The following GFY variants were observed in gnomAD, a reference collection of about 807,000 sequenced individuals.
GFY encodes Golgi-associated olfactory signaling regulator.
GFY carries 28 observed loss-of-function variants against 29.1 expected under a neutral mutation model. The ratio of observed to expected loss-of-function variants is 0.96; its 90% CI spans 0.71 to 1.32. The LOEUF is 1.32. Among genes scored for constraint, GFY ranks in the 40% most tolerant of loss-of-function variants. GFY has a pLI of 0.00. For missense variants in GFY, 656 were observed against 661.9 expected (o/e 0.99, Z 0.10); for synonymous variants, 277 against 274.5 (o/e 1.01, Z -0.09).
intron 1 of GFY, among the ~76,000 whole-genome samples, chr19:49,425,925 C>T (rs1448826595): frequency 6.6e-6 from 1 of 152,184 alleles, no homozygotes; most frequent in African/African-American, 2.4e-5. Flanking sequence ...CCCCAGCAAC[C>T]TTCTTAACCC....
Position 49,428,083 on chromosome 19 carries a change from G to T in GFY, c.1321G>T (p.Ala441Ser). 3 of 1,534,428 alleles carry T rather than the reference G, an allele frequency of 2.0e-6. No individual in the cohort carries two copies. The highest frequency in any genetic ancestry group is 2.4e-5 in the East Asian group (1 of 40,860). ...YRRAARQRPFAHHRLPDDGDE... is the reference protein window; with the variant it reads ...YRRAARQRPFSHHRLPDDGDE... ...CCGGGCAGCTAGACAGCGGCCCTTC[G>T]CACATCACCGGCTTCCGGACGACGG... Residue 441 changes from alanine to serine, a missense_variant, in exon 3 of 4, where the codon GCA becomes TCA. By Grantham distance (99) the Ala-to-Ser change is moderately conservative. Coordinates refer to ENST00000610896, the MANE Select transcript of GFY (RefSeq NM_001195256.2).
chr19:49,428,097 T>C lies in GFY; in HGVS notation c.1335T>C (p.Leu445=). 6.5e-7 allele frequency: 1 copy of C among 1,533,406 alleles called. No homozygotes were observed. Among genetic ancestry groups the C allele is most frequent in the Non-Finnish European group, 8.7e-7 (1 of 1,144,612 alleles). The allele number at this position is 1,533,406 out of a possible 1,614,324, so 95.0% of individuals were successfully genotyped here. Residue 445 remains leucine, a synonymous_variant, in exon 3 of 4, where the codon CTT becomes CTC. Coordinates refer to ENST00000610896, the MANE Select transcript of GFY (RefSeq NM_001195256.2). ...AGCGGCCCTTCGCACATCACCGGCT[T>C]CCGGACGACGGAGATGAACCGGGTG... The part of the protein sequence containing the change: ...ARQRPFAHHR[L]PDDGDEPVLH...
In GFY at chr19:49,428,678, T is replaced by A. The variant is rs1052298580; in HGVS notation, c.1417T>A (p.Trp473Arg). ...YDLYFYAPDT[W>R]VPSHIATKQP... ...CCTCTACTTTTATGCTCCGGATACC[T>A]GGGTCCCTTCCCACATCGCCACCAA... The change falls in exon 4 of 4, where the codon TGG becomes AGG. Residue 473 changes from tryptophan (W) to arginine (R), a missense_variant. Trp to Arg is a moderately radical substitution (Grantham distance 101). Transcript: ENST00000610896. 6.5e-6 allele frequency: 10 copies of A among 1,531,432 alleles called. No individual in the cohort carries two copies. The highest frequency in any genetic ancestry group is 8.7e-6 in the Non-Finnish European group (10 of 1,144,560). 94.9% of individuals were successfully genotyped at this position (1,531,432 alleles called of 1,614,324 possible). A position where few individuals can be genotyped will look rare whatever the true frequency, so the allele number is the denominator to read the frequency against.
In GFY at chr19:49,428,614, C is replaced by T. The variant is rs189214909; in HGVS notation, c.1358-5C>T. On this transcript the variant is annotated splice_region_variant and splice_polypyrimidine_tract_variant and intron_variant, in intron 3 of 3. Coordinates refer to ENST00000610896, the MANE Select transcript of GFY (RefSeq NM_001195256.2). ...AGAGATGACCACGCCCCTTTGCACCCACAGTTCTGCATTTGGACGCCCCGA... is the reference window on the plus strand; with the variant it reads ...AGAGATGACCACGCCCCTTTGCACCTACAGTTCTGCATTTGGACGCCCCGA... 3.5e-5 allele frequency: 52 copies of T among 1,471,116 alleles called. No homozygotes were observed. The highest frequency in any genetic ancestry group is 2.3e-4 in the Admixed American group (10 of 43,746). The allele number at this position is 1,471,116 out of a possible 1,614,324, so 91.1% of individuals were successfully genotyped here.
chr19:49,426,762 C>A lies in GFY; in HGVS notation c.332C>A (p.Thr111Lys). The A allele has an allele frequency of 6.5e-7, 1 of 1,534,852 alleles. No homozygotes were observed. The highest frequency in any genetic ancestry group is 8.7e-7 in the Non-Finnish European group (1 of 1,146,598). ...SPETPKADSL[T>K]TSISESLDMP... is the part of the protein sequence containing the mutation. ...GAGACCCCCAAAGCTGACTCACTCA[C>A]AACCTCAATATCAGAATCCCTGGAC... Residue 111 changes from threonine (T) to lysine (K), a missense_variant, in exon 2 of 4, where the codon ACA (threonine) becomes AAA (lysine). Coordinates refer to ENST00000610896, the MANE Select transcript of GFY (RefSeq NM_001195256.2).
intron 2 of GFY, 72 bp from the exon 3 acceptor site, chr19:49,427,874 G>C (rs887556328): frequency 2.3e-5 from 34 of 1,472,954 alleles, no homozygotes; most frequent in Non-Finnish European, 3.0e-5. Context: ...GGGAGGAGGG[G>C]CTAGGAGCTT....
In GFY at chr19:49,427,522, G is replaced by C. The variant is rs1300474716; in HGVS notation, c.1092G>C (p.Gln364His). The C allele has an allele frequency of 6.6e-7, 1 of 1,526,028 alleles. No individual in the cohort carries two copies. The highest frequency in any genetic ancestry group is 2.0e-5 in the Admixed American group (1 of 50,030). 94.5% of individuals were successfully genotyped at this position (1,526,028 alleles called of 1,614,324 possible). The change falls in exon 2 of 4, where the codon CAG becomes CAC. Residue 364 changes from glutamine to histidine, a missense_variant. Physicochemically the swap from Gln to His is conservative, Grantham distance 24. Coordinates refer to ENST00000610896, the MANE Select transcript of GFY (RefSeq NM_001195256.2). ...CTGCTCTTCCAGGGCGCCCCAGTCAGTTGGCCCCTGCCACTCTGCGGGCAC... is the reference window on the plus strand; with the variant it reads ...CTGCTCTTCCAGGGCGCCCCAGTCACTTGGCCCCTGCCACTCTGCGGGCAC... Reference protein sequence around the residue: ...GPPALPGRPSQLAPATLRAPQ... With the variant: ...GPPALPGRPSHLAPATLRAPQ...
Position 49,426,759 on chromosome 19 carries a change from T to C in GFY, c.329T>C (p.Leu110Pro), listed in dbSNP as rs1202975266. Residue 110 changes from leucine (L) to proline (P), a missense_variant, in exon 2 of 4, where the codon CTC becomes CCC. Transcript: ENST00000610896. ...CCTGAGACCCCCAAAGCTGACTCAC[T>C]CACAACCTCAATATCAGAATCCCTG... ...ESPETPKADS[L>P]TTSISESLDM... The C allele has an allele frequency of 2.6e-6, 4 of 1,526,152 alleles. No homozygotes were observed. The highest frequency in any genetic ancestry group is 3.5e-6 in the Non-Finnish European group (4 of 1,144,798). The allele number at this position is 1,526,152 out of a possible 1,614,324, so 94.5% of individuals were successfully genotyped here. A position where few individuals can be genotyped will look rare whatever the true frequency, so the allele number is the denominator to read the frequency against.
At position 49,426,912 on chromosome 19, in the gene GFY, C is replaced by T. The variant is rs951275610; in HGVS notation, c.482C>T (p.Ser161Leu). 2 of 1,535,826 alleles carry T rather than the reference C, an allele frequency of 1.3e-6. No homozygotes were observed. Among genetic ancestry groups the T allele is most frequent in the Non-Finnish European group, 1.7e-6 (2 of 1,146,868 alleles). The part of the protein sequence containing the change: ...ETPKPNFSKT[S>L]RPEFPETPNT... ...CCCAAACCTAACTTCTCCAAAACTT[C>T]ACGCCCAGAATTTCCTGAGACCCCA... The change falls in exon 2 of 4, where the codon TCA (serine) becomes TTA (leucine). Residue 161 changes from serine to leucine, a missense_variant. Physicochemically the swap from Ser to Leu is moderately radical, Grantham distance 145 (BLOSUM62 -2). Coordinates refer to ENST00000610896, the MANE Select transcript of GFY (RefSeq NM_001195256.2).
rs1214341804 is a variant in GFY at position 49,428,650 on chromosome 19, C to T, written c.1389C>T (p.Tyr463=). The T allele has an allele frequency of 6.6e-7, 1 of 1,521,364 alleles. No homozygotes were observed. The highest frequency in any genetic ancestry group is 8.8e-7 in the Non-Finnish European group (1 of 1,138,756). The allele number at this position is 1,521,364 out of a possible 1,614,324, so 94.2% of individuals were successfully genotyped here. The part of the protein sequence containing the change: ...VLHLDAPKDP[Y]DLYFYAPDTW... Reference sequence around the variant, plus strand: ...ATTTGGACGCCCCGAAAGACCCCTACGACCTCTACTTTTATGCTCCGGATA... The same window carrying T: ...ATTTGGACGCCCCGAAAGACCCCTATGACCTCTACTTTTATGCTCCGGATA... The change falls in exon 4 of 4, where the codon TAC becomes TAT. Residue 463 remains tyrosine (Y), a synonymous_variant. Coordinates refer to ENST00000610896, the MANE Select transcript of GFY (RefSeq NM_001195256.2).
In GFY at chr19:49,426,605, C is replaced by G. The variant is rs1374264766; in HGVS notation, c.175C>G (p.Pro59Ala). The G allele has an allele frequency of 1.3e-6, 2 of 1,535,988 alleles. No individual in the cohort carries two copies. The highest frequency in any genetic ancestry group is 1.4e-5 in the African/African-American group (1 of 72,950). The stretch of plus-strand genomic sequence containing the variant: ...AAATTCCAAACGAGATCGCCTTAAC[C>G]CAGAATTTCCTGGGACTCCTTACCC... ...SENSKRDRLN[P>A]EFPGTPYPEP... Residue 59 changes from proline (P) to alanine (A), a missense_variant, in exon 2 of 4, where the codon CCA becomes GCA. By Grantham distance (27) the Pro-to-Ala change is conservative (BLOSUM62 -1). Transcript: ENST00000610896.
At chr19:49,428,394 T>C (rs12980585) in intron 3 of GFY, among the ~76,000 whole-genome samples, 1 of 151,044 alleles carries the variant, frequency 6.6e-6, no homozygotes, top group African/African-American at 2.4e-5. Context: ...AGCCCTGTAC[T>C]TCCCGCCCTC....
In GFY at chr19:49,427,512, G is replaced by A. The variant is rs1047490380; in HGVS notation, c.1082G>A (p.Arg361His). 12 of 1,528,774 alleles carry A rather than the reference G, an allele frequency of 7.8e-6. No homozygotes were observed. The African/African-American group carries it at 1.4e-4, about 18-fold the overall frequency. 94.7% of individuals were successfully genotyped at this position (1,528,774 alleles called of 1,614,324 possible). The change falls in exon 2 of 4, where the codon CGC becomes CAC. Residue 361 changes from arginine to histidine, a missense_variant. Physicochemically the swap from Arg to His is conservative, Grantham distance 29 (BLOSUM62 0). Transcript: ENST00000610896. ...RIAGPPALPG[R>H]PSQLAPATLR... is the part of the protein sequence containing the mutation. Reference sequence around the variant, plus strand: ...GCAGGTCCCCCTGCTCTTCCAGGGCGCCCCAGTCAGTTGGCCCCTGCCACT... The same window carrying A: ...GCAGGTCCCCCTGCTCTTCCAGGGCACCCCAGTCAGTTGGCCCCTGCCACT...
rs1461304746 is a variant in GFY at position 49,428,009 on chromosome 19, G to A, written c.1247G>A (p.Gly416Glu). 6.5e-6 allele frequency: 10 copies of A among 1,535,962 alleles called. No individual in the cohort carries two copies. Among genetic ancestry groups the A allele is most frequent in the Non-Finnish European group, 7.0e-6 (8 of 1,146,730 alleles). The change falls in exon 3 of 4, where the codon GGG becomes GAG. Residue 416 changes from glycine (G) to glutamate (E), a missense_variant. Physicochemically the swap from Gly to Glu is moderately conservative, Grantham distance 98 (BLOSUM62 -2). Transcript: ENST00000610896. ...GGGGCCCTCTGCCTGTTCTTCGCGGGGACCGCGCTGCTGATCGGCATCTTT... is the reference window on the plus strand; with the variant it reads ...GGGGCCCTCTGCCTGTTCTTCGCGGAGACCGCGCTGCTGATCGGCATCTTT... ...AGGALCLFFA[G>E]TALLIGIFVL...
At position 49,427,053 on chromosome 19, in the gene GFY, C is replaced by T. The variant is rs1387118353; in HGVS notation, c.623C>T (p.Thr208Ile). ...PETSNTNPTK[T>I]PDPKSPEKHD... ...ACCTCAAACACTAACCCTACCAAGA[C>T]CCCTGACCCCAAATCCCCAGAAAAG... Residue 208 changes from threonine (T) to isoleucine (I), a missense_variant, in exon 2 of 4, where the codon ACC becomes ATC. Physicochemically the swap from Thr to Ile is moderately conservative, Grantham distance 89 (BLOSUM62 -1). Transcript: ENST00000610896. 1 of 1,535,614 alleles carries T rather than the reference C, an allele frequency of 6.5e-7. No homozygotes were observed. Among genetic ancestry groups the T allele is most frequent in the East Asian group, 2.4e-5 (1 of 40,908 alleles).
chr19:49,427,202 C>CA lies in GFY; in HGVS notation c.775dup (p.Thr259AsnfsTer25). On this transcript the variant is annotated frameshift_variant, in exon 2 of 4. Transcript: ENST00000610896. LOFTEE classifies it high-confidence loss of function. ...CAATCCCAGCCCCACCGAAATTTCC[C>CA]AAACAGAATTCCCCACAACCTACTA... 1 of 1,536,004 alleles carries CA rather than the reference C, an allele frequency of 6.5e-7. No homozygotes were observed. The highest frequency in any genetic ancestry group is 1.2e-5 in the South Asian group (1 of 84,040).
chr19:49,426,892 A>G lies in GFY; in HGVS notation c.462A>G (p.Lys154=), dbSNP rs1975079527. 1 of 1,535,172 alleles carries G rather than the reference A, an allele frequency of 6.5e-7. No homozygotes were observed. Among genetic ancestry groups the G allele is most frequent in the South Asian group, 1.2e-5 (1 of 83,988 alleles). ...ACCCAGGATCCCCTGAGACCCCCAA[A>G]CCTAACTTCTCCAAAACTTCACGCC... ...MPHPGSPETP[K]PNFSKTSRPE... is the part of the protein sequence containing the mutation. Residue 154 remains lysine (K), a synonymous_variant, in exon 2 of 4, where the codon AAA becomes AAG. Transcript: ENST00000610896.
Position 49,428,645 on chromosome 19 carries a change from C to T in GFY, c.1384C>T (p.Pro462Ser). ...PVLHLDAPKD[P>S]YDLYFYAPDT... is the part of the protein sequence containing the mutation. ...TCTGCATTTGGACGCCCCGAAAGAC[C>T]CCTACGACCTCTACTTTTATGCTCC... The change falls in exon 4 of 4, where the codon CCC becomes TCC. Residue 462 changes from proline to serine, a missense_variant. Transcript: ENST00000610896. 6.6e-7 allele frequency: 1 copy of T among 1,516,814 alleles called. No individual in the cohort carries two copies. The highest frequency in any genetic ancestry group is 8.8e-7 in the Non-Finnish European group (1 of 1,136,240). The allele number at this position is 1,516,814 out of a possible 1,614,324, so 94.0% of individuals were successfully genotyped here. A position where few individuals can be genotyped will look rare whatever the true frequency, so the allele number is the denominator to read the frequency against.
At chr19:49,428,160 C>G in intron 3 of GFY, 41 bp downstream of exon 3, 1 of 1,510,850 alleles carries the variant, frequency 6.6e-7, no homozygotes, top group Non-Finnish European at 8.9e-7. Context: ...TTTTCCATAA[C>G]CTGGTCTCTC....
Sources: allele counts gnomAD v4.1 joint callset (sites outside exome capture counted in the v4.1 genomes callset), GRCh38; gene constraint gnomAD v4.1.1; transcripts MANE v1.5; gene names NCBI Gene and HGNC (gene_info 2026-07-23, HGNC 2026-07-21).